Variants in OSBPL10 observed in about 807,000 individuals in gnomAD.
The protein encoded by OSBPL10 is oxysterol binding protein like 10.
Under a neutral mutation model 81.7 loss-of-function variants are expected in OSBPL10, and 49 were observed. The observed-to-expected ratio is 0.60, with a 90% CI of 0.48 to 0.76. The LOEUF is 0.76. Among genes scored for constraint, OSBPL10 ranks in the 30% least tolerant of loss-of-function variants. OSBPL10 has a pLI of 0.00. For synonymous variants in OSBPL10, 419 were observed against 383.6 expected (o/e 1.09, Z -1.08); for missense variants, 923 against 987.8 (o/e 0.93, Z 0.88).
intron 4 of OSBPL10, among the ~76,000 whole-genome samples, chr3:31,752,643 G>A (rs1477589427): frequency 6.6e-6 from 1 of 152,192 alleles, no homozygotes; most frequent in Non-Finnish European, 1.5e-5. Flanking sequence ...AAGCTGAAAC[G>A]AAGATGCAAA....
intron 6 of OSBPL10, chr3:31,708,710 C>T: frequency 2.0e-6 from 2 of 984,180 alleles, no homozygotes; most frequent in Non-Finnish European, 2.4e-6. Flanking sequence ...TCCTGATGAA[C>T]CTACTGTCCT....
chr3:31,894,637 C>G (rs1309251887), intron 1 of OSBPL10, among the ~76,000 whole-genome samples: 1 of 152,208 alleles, frequency 6.6e-6, no homozygotes, highest in African/African-American at 2.4e-5. Context: ...AATCCACCAG[C>G]TATTTTCCAA....
At chr3:31,887,532 G>A (rs1695768847) in intron 1 of OSBPL10, among the ~76,000 whole-genome samples, 1 of 152,090 alleles carries the variant, frequency 6.6e-6, no homozygotes, top group Non-Finnish European at 1.5e-5. Context: ...TTGCGGTGAA[G>A]GAAAGAAAGC....
intron 6 of OSBPL10, among the ~76,000 whole-genome samples, chr3:31,720,993 T>C (rs2125638033): frequency 6.6e-6 from 1 of 152,150 alleles, no homozygotes; most frequent in Non-Finnish European, 1.5e-5. Flanking sequence ...GCTAATCAGC[T>C]GATCTTAAAA....
At chr3:31,965,808 A>AT (rs1305568903) in intron 1 of OSBPL10, among the ~76,000 whole-genome samples, 1 of 62,840 alleles carries the variant, frequency 1.6e-5, no homozygotes, top group African/African-American at 1.4e-4. Flanking sequence ...TTATCTATTT[A>AT]TATAATATAT....
chr3:31,816,230 G>A (rs942316682), intron 4 of OSBPL10, among the ~76,000 whole-genome samples: 10 of 152,154 alleles, frequency 6.6e-5, no homozygotes, highest in African/African-American at 2.4e-4. Flanking sequence ...TTGCCCTCTG[G>A]TGAATTCCTA....
At chr3:31,755,821 AT>A (rs1438363699) in intron 4 of OSBPL10, among the ~76,000 whole-genome samples, 2 of 152,164 alleles carry the variant, frequency 1.3e-5, no homozygotes, top group African/African-American at 4.8e-5. Flanking sequence ...TAAATGCAAA[AT>A]TCTGAATTGC....
intron 1 of OSBPL10, among the ~76,000 whole-genome samples, chr3:31,899,425 G>A (rs1300418024): frequency 1.3e-5 from 2 of 152,122 alleles, no homozygotes; most frequent in African/African-American, 4.8e-5. Flanking sequence ...CATAGAAAAA[G>A]CTGGACAGAT....
intron 3 of OSBPL10, among the ~76,000 whole-genome samples, chr3:31,870,234 GC>G (rs1332753054): frequency 6.6e-6 from 1 of 152,244 alleles, no homozygotes; most frequent in Non-Finnish European, 1.5e-5. Context: ...GGGCCTCCCG[GC>G]CCGGGCAGTG....
intron 3 of OSBPL10, among the ~76,000 whole-genome samples, chr3:31,831,617 A>G (rs1700243356): frequency 6.6e-6 from 1 of 152,186 alleles, no homozygotes; most frequent in South Asian, 2.1e-4. Context: ...AGAAATATAA[A>G]TGGCTTTTAA....
At chr3:31,752,712 C>A (rs577760346) in intron 4 of OSBPL10, among the ~76,000 whole-genome samples, 2 of 152,292 alleles carry the variant, frequency 1.3e-5, no homozygotes, top group East Asian at 3.9e-4. Context: ...GCAAGGGCTG[C>A]GGGAGACAGC....
intron 7 of OSBPL10, among the ~76,000 whole-genome samples, chr3:31,690,485 T>C (rs1391003226): frequency 6.6e-6 from 1 of 152,192 alleles, no homozygotes; most frequent in African/African-American, 2.4e-5. Flanking sequence ...GCAACTTTAC[T>C]GTAGATTGGA....
chr3:31,928,380 C>T (rs1224659185), intron 1 of OSBPL10, among the ~76,000 whole-genome samples: 1 of 152,148 alleles, frequency 6.6e-6, no homozygotes, highest in Non-Finnish European at 1.5e-5. Context: ...TATCTGCATG[C>T]TCCAAAACAG....
At chr3:31,667,926 G>T (rs1700236633) in intron 10 of OSBPL10, among the ~76,000 whole-genome samples, 1 of 152,212 alleles carries the variant, frequency 6.6e-6, no homozygotes, top group Non-Finnish European at 1.5e-5. Context: ...ACATTAAGTG[G>T]CTGCATTATA....
In OSBPL10 at chr3:32,022,512, A is replaced by G. The variant is rs374092798; in HGVS notation, n.298+23979T>C. Among the ~76,000 whole-genome samples, 52 of 152,308 alleles carry G rather than the reference A, an allele frequency of 3.4e-4. No homozygotes were observed. The East Asian group carries it at 7.7e-3, about 23-fold the overall frequency. On this transcript the variant is annotated intron_variant and non_coding_transcript_variant, in intron 2 of 3. Coordinates refer to the OSBPL10 transcript ENST00000479173. ...AAGATTTTCTGATTTGAGGCCTGGC[A>G]TGGTGGCTCACGCCTGTAATCCCAG...
At chr3:31,965,329 T>C (rs777926223) in intron 1 of OSBPL10, among the ~76,000 whole-genome samples, 19 of 142,562 alleles carry the variant, frequency 1.3e-4, no homozygotes, top group East Asian at 8.0e-4. Flanking sequence ...GAGATCGCAC[T>C]ACTGCACTCC....
At chr3:31,864,810 G>A (rs565410354) in intron 3 of OSBPL10, among the ~76,000 whole-genome samples, 1 of 152,304 alleles carries the variant, frequency 6.6e-6, no homozygotes, top group African/African-American at 2.4e-5. Context: ...GATTGTTCGA[G>A]CTAGGGACAG....
intron 2 of OSBPL10, among the ~76,000 whole-genome samples, chr3:32,030,012 A>G (rs920560009): frequency 3.3e-5 from 5 of 152,264 alleles, no homozygotes; most frequent in African/African-American, 1.2e-4. Context: ...CCCAGTTTCA[A>G]ACATGACTCT....
upstream of OSBPL10, among the ~76,000 whole-genome samples, chr3:31,985,620 G>A (rs1051546004): frequency 1.3e-5 from 2 of 152,196 alleles, no homozygotes; most frequent in Admixed American, 1.3e-4. Flanking sequence ...AAGTAAGTGA[G>A]TGGACATTGA....
Sources: gnomAD v4.1 joint callset for allele counts (sites outside exome capture counted in the v4.1 genomes callset) on GRCh38, gnomAD v4.1.1 for gene constraint, MANE v1.5 for transcripts, NCBI Gene and HGNC (gene_info 2026-07-23, HGNC 2026-07-21) for gene names.